Variants in PIGK observed in about 807,000 individuals in gnomAD.
PIGK encodes the protein phosphatidylinositol glycan anchor biosynthesis class K.
Under a neutral mutation model 50.6 loss-of-function variants are expected in PIGK, and 42 were observed. That is an observed-to-expected ratio of 0.83 (90% CI 0.65 to 1.07). PIGK has a LOEUF of 1.07. PIGK is among the 50% of genes least tolerant of loss of function. The pLI, the probability that PIGK is intolerant of heterozygous loss-of-function variation, is 0.00. For synonymous variants in PIGK, 151 were observed against 156.0 expected, an observed-to-expected ratio of 0.97 and a Z score of 0.24; for missense variants, 448 against 488.7, an observed-to-expected ratio of 0.92 and a Z score of 0.78.
chr1:77,124,442 C>G (rs1232259775), intron 9 of PIGK, among the ~76,000 whole-genome samples: 2 of 151,994 alleles, frequency 1.3e-5, no homozygotes, highest in African/African-American at 4.8e-5. Flanking sequence ...AACCTCGTCT[C>G]TACTAAAAAT....
At chr1:77,112,111 C>G (rs1314515146) in intron 10 of PIGK, among the ~76,000 whole-genome samples, 2 of 151,954 alleles carry the variant, frequency 1.3e-5, no homozygotes, top group Admixed American at 6.6e-5. Flanking sequence ...CCAAACATGA[C>G]TGGTATGATA....
intron 9 of PIGK, chr1:77,153,626 C>T (rs1654942077): frequency 6.8e-6 from 1 of 146,322 alleles, no homozygotes; most frequent in Non-Finnish European, 1.5e-5. Context: ...AAATATTATA[C>T]ATCAATTAAA....
intron 3 of PIGK, among the ~76,000 whole-genome samples, chr1:77,175,254 G>C (rs745457422): frequency 1.6e-4 from 25 of 152,112 alleles, no homozygotes; most frequent in African/African-American, 5.8e-4. Context: ...GGGAAATGTG[G>C]AATCAGCCAC....
At chr1:77,146,029 T>C (rs1570220239) in intron 9 of PIGK, among the ~76,000 whole-genome samples, 1 of 152,098 alleles carries the variant, frequency 6.6e-6, no homozygotes, top group Admixed American at 6.5e-5. Flanking sequence ...TTTAATACCA[T>C]GATAAACCCA....
At position 77,176,216 on chromosome 1, in the gene PIGK, T is replaced by C. The variant is rs1655486728; in HGVS notation, c.240-6821A>G. Among the ~76,000 whole-genome samples, 4 of 152,210 alleles carry C rather than the reference T, an allele frequency of 2.6e-5. No homozygotes were observed. In the South Asian group the frequency reaches 8.3e-4, roughly 31 times the overall value. ...GTGTTTAAAACTCTAACATGTTTGATAGGCTTCCTAAAATCAAATTTCAGC... is the reference window on the plus strand; with the variant it reads ...GTGTTTAAAACTCTAACATGTTTGACAGGCTTCCTAAAATCAAATTTCAGC... On this transcript the variant is annotated intron_variant, in intron 3 of 10. Coordinates refer to ENST00000370812, the MANE Select transcript of PIGK (RefSeq NM_005482.3).
chr1:77,102,015 A>T (rs1185183439), intron 10 of PIGK, among the ~76,000 whole-genome samples: 2 of 152,202 alleles, frequency 1.3e-5, no homozygotes, highest in East Asian at 3.9e-4. Flanking sequence ...ACACAAAAAA[A>T]ATTCTTCTAA....
intron 3 of PIGK, among the ~76,000 whole-genome samples, chr1:77,198,368 C>A (rs1003270549): frequency 6.6e-6 from 1 of 152,032 alleles, no homozygotes; most frequent in Admixed American, 6.6e-5. Flanking sequence ...AAGAATTTAT[C>A]TGCACTATTA....
chr1:77,203,603 C>T (rs905946723), intron 3 of PIGK, among the ~76,000 whole-genome samples: 2 of 152,098 alleles, frequency 1.3e-5, no homozygotes, highest in African/African-American at 4.8e-5. Flanking sequence ...ATTCTGGCAA[C>T]CTATTTATTA....
At chr1:77,182,795 G>T (rs1180650571) in intron 3 of PIGK, among the ~76,000 whole-genome samples, 2 of 152,118 alleles carry the variant, frequency 1.3e-5, no homozygotes, top group African/African-American at 2.4e-5. Flanking sequence ...ATAAACTATT[G>T]TGACAGTTAT....
At chr1:77,172,911 G>A (rs957286370) in intron 3 of PIGK, among the ~76,000 whole-genome samples, 1 of 152,106 alleles carries the variant, frequency 6.6e-6, no homozygotes, top group East Asian at 1.9e-4. Flanking sequence ...GCGACAGAGC[G>A]AGACTCCGCC....
chr1:77,159,304 T>G (rs1472031783), intron 8 of PIGK, among the ~76,000 whole-genome samples: 1 of 152,084 alleles, frequency 6.6e-6, no homozygotes, highest in East Asian at 1.9e-4. Flanking sequence ...TGTATGGAAA[T>G]GCCTAGATGT....
intron 9 of PIGK, among the ~76,000 whole-genome samples, chr1:77,138,691 G>A (rs917607894): frequency 1.3e-5 from 2 of 152,132 alleles, no homozygotes; most frequent in Non-Finnish European, 2.9e-5. Context: ...TACTCTCACG[G>A]GATTAGCTTG....
chr1:77,136,486 G>A (rs377277367), intron 9 of PIGK, among the ~76,000 whole-genome samples: 4 of 128,246 alleles, frequency 3.1e-5, no homozygotes, highest in Non-Finnish European at 6.2e-5. Flanking sequence ...CCGAGATCCC[G>A]CCACTGCACT....
chr1:77,104,847 A>C (rs1653628929), intron 10 of PIGK, among the ~76,000 whole-genome samples: 1 of 152,200 alleles, frequency 6.6e-6, no homozygotes, highest in Non-Finnish European at 1.5e-5. Context: ...GAGGGTGCCC[A>C]CGACTCTCAA....
intron 3 of PIGK, among the ~76,000 whole-genome samples, chr1:77,173,522 C>A (rs985721564): frequency 6.6e-6 from 1 of 152,134 alleles, no homozygotes; most frequent in Non-Finnish European, 1.5e-5. Context: ...AACCCAGAAA[C>A]CTGACAAGCC....
chr1:77,215,670 A>G (rs2100591555), intron 1 of PIGK, among the ~76,000 whole-genome samples: 1 of 152,306 alleles, frequency 6.6e-6, no homozygotes, highest in Admixed American at 6.5e-5. Flanking sequence ...CATCAACCTG[A>G]GTGTCTATCA....
At chr1:77,206,831 CA>C (rs1454531845) in intron 2 of PIGK, 100 bp from the exon 3 acceptor site, 2 of 692,704 alleles carry the variant, frequency 2.9e-6, no homozygotes, top group African/African-American at 3.6e-5. Context: ...CTCTAAGAAA[CA>C]GTATGCCATA....
chr1:77,138,303 A>C (rs1324652002), intron 9 of PIGK, among the ~76,000 whole-genome samples: 7 of 152,198 alleles, frequency 4.6e-5, no homozygotes, highest in Non-Finnish European at 8.8e-5. Flanking sequence ...TGAAAATAGG[A>C]GAGACTCTAC....
chr1:77,200,567 T>C (rs1323486222), intron 3 of PIGK, among the ~76,000 whole-genome samples: 1 of 152,036 alleles, frequency 6.6e-6, no homozygotes, highest in African/African-American at 2.4e-5. Context: ...AATAAGGTAT[T>C]TAATGAGTGT....
Sources: gnomAD v4.1 joint callset for allele counts (sites outside exome capture counted in the v4.1 genomes callset) on GRCh38, gnomAD v4.1.1 for gene constraint, MANE v1.5 for transcripts, NCBI Gene and HGNC (gene_info 2026-07-23, HGNC 2026-07-21) for gene names.